The following ST14 variants were observed in gnomAD, a reference collection of about 807,000 sequenced individuals.
ST14 encodes suppressor of tumorigenicity 14 protein.
In ST14, 40 loss-of-function variants were observed where a neutral mutation model predicts 96.5. That is an observed-to-expected ratio of 0.41 (90% CI 0.32 to 0.54). The LOEUF (loss-of-function observed/expected upper bound fraction) is 0.54, where lower values mean the gene tolerates loss of function less well. Among genes scored for constraint, ST14 ranks in the 20% least tolerant of loss-of-function variants. The pLI is 0.17. For synonymous variants in ST14, 506 were observed against 492.1 expected, an observed-to-expected ratio of 1.03 and a Z score of -0.37; for missense variants, 1,066 against 1,188.9, an observed-to-expected ratio of 0.90 and a Z score of 1.52.
chr11:130,210,108 G>A lies in ST14; in HGVS notation c.*285G>A, dbSNP rs1953537017. On this transcript the variant is annotated 3_prime_UTR_variant, in exon 19 of 19. Transcript: ENST00000278742. The stretch of plus-strand genomic sequence containing the variant: ...TCCCCCGCCAGCCCCAAGCTGGGCC[G>A]AGGCGCGTTTGTGCATATCTGCCTC... 4.5e-6 allele frequency: 2 copies of A among 448,792 alleles called. No individual in the cohort carries two copies. Among genetic ancestry groups the A allele is most frequent in the South Asian group, 5.2e-5 (2 of 38,724 alleles). 27.8% of individuals were successfully genotyped at this position (448,792 alleles called of 1,614,324 possible). A position where few individuals can be genotyped will look rare whatever the true frequency, so the allele number is the denominator to read the frequency against.
At chr11:130,165,567 A>T (rs1192304387) in intron 1 of ST14, among the ~76,000 whole-genome samples, 2 of 152,194 alleles carry the variant, frequency 1.3e-5, no homozygotes. Context: ...TTTTCCCCCG[A>T]ATCCTGTGAT....
intron 16 of ST14, among the ~76,000 whole-genome samples, chr11:130,204,359 G>C (rs1953464876): frequency 1.3e-5 from 2 of 152,216 alleles, no homozygotes; most frequent in Non-Finnish European, 2.9e-5. Context: ...AATTCTTTTA[G>C]GCTGTGGAAT....
At chr11:130,199,853 T>G (rs766593614) in intron 15 of ST14, 98 bp from the exon 16 acceptor site, 30 of 1,505,812 alleles carry the variant, frequency 2.0e-5, no homozygotes, top group Non-Finnish European at 2.7e-5. Context: ...AAAGCTGGCT[T>G]CCCCACACAG....
At chr11:130,183,470 G>A (rs1000113144) in intron 1 of ST14, among the ~76,000 whole-genome samples, 44 of 151,638 alleles carry the variant, frequency 2.9e-4, no homozygotes, top group Admixed American at 1.8e-3. Context: ...CTACTCAGGA[G>A]GCTGATGCAG....
intron 16 of ST14, among the ~76,000 whole-genome samples, chr11:130,205,951 G>T (rs1953482296): frequency 6.6e-6 from 1 of 151,622 alleles, no homozygotes; most frequent in African/African-American, 2.4e-5. Context: ...CTCGCCTGGG[G>T]CTCCCAAAGT....
chr11:130,196,398 C>G lies in ST14; in HGVS notation c.1173C>G (p.Gly391=), dbSNP rs769901636. ...AATTCTTCTACCTGCTGGAGCCCGG[C>G]GTGCCTGCGGGCACCTGCCCCAAGG... The part of the protein sequence containing the change: ...RFKFFYLLEP[G]VPAGTCPKDY... The change falls in exon 10 of 19, where the codon GGC becomes GGG. Residue 391 remains glycine (G), a synonymous_variant. Coordinates refer to ENST00000278742, the MANE Select transcript of ST14 (RefSeq NM_021978.4). 41 of 1,610,130 alleles carry G rather than the reference C, an allele frequency of 2.5e-5. No individual in the cohort carries two copies. The highest frequency in any genetic ancestry group is 3.5e-5 in the Non-Finnish European group (41 of 1,178,552).
chr11:130,174,807 C>A (rs989594737), intron 1 of ST14, among the ~76,000 whole-genome samples: 14 of 152,322 alleles, frequency 9.2e-5, no homozygotes, highest in African/African-American at 3.1e-4. Context: ...AAAGGCTCTG[C>A]CCACATTACA....
chr11:130,183,011 T>C (rs936480085), intron 1 of ST14, among the ~76,000 whole-genome samples: 8 of 151,416 alleles, frequency 5.3e-5, no homozygotes, highest in East Asian at 1.9e-4. Context: ...GGCTGGAGTG[T>C]AATGGCACGA....
At position 130,203,771 on chromosome 11, in the gene ST14, C is replaced by T. The variant is rs112401203; in HGVS notation, c.1994+3634C>T. ...GGGTTCAAGCAATTCTCCTGCCTCA[C>T]CCTCCCGAGTAGCTGGAATTACAGG... On this transcript the variant is annotated intron_variant, in intron 16 of 18. Coordinates refer to ENST00000278742, the MANE Select transcript of ST14 (RefSeq NM_021978.4). 4.7e-3 allele frequency among the ~76,000 whole-genome samples: 709 copies of T among 152,244 alleles called. 8 individuals are homozygous for T. The highest frequency in any genetic ancestry group is 0.016 in the African/African-American group (685 of 41,534).
chr11:130,206,234 G>A (rs923155714), intron 16 of ST14, among the ~76,000 whole-genome samples: 1 of 152,204 alleles, frequency 6.6e-6, no homozygotes, highest in African/African-American at 2.4e-5. Flanking sequence ...GCAGTGCGCG[G>A]GCGGTGCTGT....
At position 130,189,194 on chromosome 11, in the gene ST14, C is replaced by T. The variant is rs568275760; in HGVS notation, c.440+255C>T. 2.1e-3 allele frequency: 1,187 copies of T among 578,456 alleles called. 3 individuals carry two copies. Among genetic ancestry groups the T allele is most frequent in the Non-Finnish European group, 2.8e-3 (907 of 322,534 alleles). The allele number at this position is 578,456 out of a possible 1,614,324, so 35.8% of individuals were successfully genotyped here. A position where few individuals can be genotyped will look rare whatever the true frequency, so the allele number is the denominator to read the frequency against. On this transcript the variant is annotated intron_variant, in intron 4 of 18. Transcript: ENST00000278742. ...GACGTGCTTGGCATGATGCCAGGAACGGCTGTGATTCTTTGTTGTTTTTCC... is the reference window on the plus strand; with the variant it reads ...GACGTGCTTGGCATGATGCCAGGAATGGCTGTGATTCTTTGTTGTTTTTCC...
At chr11:130,205,089 A>T (rs1953472183) in intron 16 of ST14, among the ~76,000 whole-genome samples, 1 of 152,164 alleles carries the variant, frequency 6.6e-6, no homozygotes, top group Non-Finnish European at 1.5e-5. Flanking sequence ...ACCTACAAAA[A>T]TGTTGTAAAT....
chr11:130,194,819 TG>T, intron 9 of ST14, 82 bp downstream of exon 9: 1 of 1,382,208 alleles, frequency 7.2e-7, no homozygotes, highest in Non-Finnish European at 1.0e-6. Flanking sequence ...CAGATGTGTG[TG>T]GATGTGTGTG....
At chr11:130,176,451 C>T (rs1031106109) in intron 1 of ST14, among the ~76,000 whole-genome samples, 28 of 149,162 alleles carry the variant, frequency 1.9e-4, no homozygotes, top group African/African-American at 6.7e-4. Flanking sequence ...TGCCGTGGCG[C>T]AATCTCGGCT....
intron 1 of ST14, among the ~76,000 whole-genome samples, chr11:130,182,733 T>C (rs188991754): frequency 0.014 from 2,088 of 151,336 alleles, 17 homozygotes; most frequent in Non-Finnish European, 0.021. Flanking sequence ...CACTGCAATC[T>C]CCGCCTCCCA....
At chr11:130,170,655 CGAGAGG>C (rs1565618240) in intron 1 of ST14, among the ~76,000 whole-genome samples, 1 of 151,604 alleles carries the variant, frequency 6.6e-6, no homozygotes, top group East Asian at 2.0e-4. Context: ...GGTTCCTAAC[CGAGAGG>C]TTAGGAACCT....
intron 1 of ST14, among the ~76,000 whole-genome samples, chr11:130,182,674 G>A (rs1785823158): frequency 1.4e-5 from 2 of 142,904 alleles, no homozygotes; most frequent in East Asian, 2.1e-4. Flanking sequence ...TTTTGAGACC[G>A]AGTCTCACTC....
At chr11:130,178,067 C>A (rs911422398) in intron 1 of ST14, among the ~76,000 whole-genome samples, 14 of 152,334 alleles carry the variant, frequency 9.2e-5, no homozygotes, top group African/African-American at 3.1e-4. Flanking sequence ...CTCAGGCACA[C>A]AGGCTCAAAC....
chr11:130,168,008 C>G (rs182178934), intron 1 of ST14, among the ~76,000 whole-genome samples: 2 of 152,300 alleles, frequency 1.3e-5, no homozygotes, highest in East Asian at 3.9e-4. Flanking sequence ...AGCCACCGTG[C>G]CCAGCCTATT....
Sources: allele counts gnomAD v4.1 joint callset (sites outside exome capture counted in the v4.1 genomes callset), GRCh38; gene constraint gnomAD v4.1.1; transcripts MANE v1.5; gene names NCBI Gene and HGNC (gene_info 2026-07-23, HGNC 2026-07-21).